TAFA4: variants seen among roughly 807,000 people sequenced by gnomAD.
TAFA4 encodes the protein chemokine-like protein TAFA-4.
In TAFA4, 20 loss-of-function variants were observed where a neutral mutation model predicts 21.1. The ratio of observed to expected loss-of-function variants is 0.95; its 90% CI spans 0.67 to 1.38. The LOEUF (loss-of-function observed/expected upper bound fraction) is 1.38, where lower values mean the gene tolerates loss of function less well. Ranked by LOEUF, TAFA4 falls within the 40% of genes most tolerant of loss-of-function variation. The pLI is 0.00. For synonymous variants in TAFA4, 71 were observed against 67.4 expected, an observed-to-expected ratio of 1.05 and a Z score of -0.26; for missense variants, 211 against 180.9, an observed-to-expected ratio of 1.17 and a Z score of -0.95.
chr3:68,751,180 T>C (rs1702551691), intron 4 of TAFA4, among the ~76,000 whole-genome samples: 1 of 152,180 alleles, frequency 6.6e-6, no homozygotes, highest in Admixed American at 6.5e-5. Context: ...GGTAGAGTAC[T>C]TGAAAGAGAA....
At chr3:68,817,374 A>G (rs1032693122) in intron 3 of TAFA4, among the ~76,000 whole-genome samples, 1 of 152,142 alleles carries the variant, frequency 6.6e-6, no homozygotes, top group Non-Finnish European at 1.5e-5. Context: ...CTTCCTCCAC[A>G]GAAGTCTCAA....
At chr3:68,809,628 T>C (rs1241873862) in intron 3 of TAFA4, among the ~76,000 whole-genome samples, 1 of 151,764 alleles carries the variant, frequency 6.6e-6, no homozygotes, top group African/African-American at 2.4e-5. Flanking sequence ...CCAAAAAAAA[T>C]TATTGCCCAG....
intron 3 of TAFA4, among the ~76,000 whole-genome samples, chr3:68,805,359 C>T (rs1020424370): frequency 1.3e-5 from 2 of 152,300 alleles, no homozygotes; most frequent in Admixed American, 6.5e-5. Flanking sequence ...GTTGGTGGGA[C>T]TGCAAACTAG....
intron 3 of TAFA4, among the ~76,000 whole-genome samples, chr3:68,788,669 TG>T (rs1703307677): frequency 6.6e-6 from 1 of 152,304 alleles, no homozygotes; most frequent in South Asian, 2.1e-4. Flanking sequence ...TGGAGTGCAG[TG>T]GCATCATCAT....
rs568599952 is a variant in TAFA4, at chr3:68,815,143, C to A, written c.131-62125G>T. ...AAGCTGAAACTGGATCCCTTCCTTA[C>A]ATCTTATATAAAAATTAATTCAGGA... On this transcript the variant is annotated intron_variant, in intron 3 of 5. Coordinates refer to ENST00000295569, the MANE Select transcript of TAFA4 (RefSeq NM_182522.5). Among the ~76,000 whole-genome samples, 105 of 152,304 alleles carry A rather than the reference C, an allele frequency of 6.9e-4. 2 individuals are homozygous for A. The South Asian group carries it at 0.021, about 31-fold the overall frequency.
chr3:68,756,555 A>G (rs977013755), intron 3 of TAFA4, among the ~76,000 whole-genome samples: 2 of 152,208 alleles, frequency 1.3e-5, no homozygotes, highest in African/African-American at 2.4e-5. Flanking sequence ...TAACCTCGAT[A>G]TTATTCTGAA....
At chr3:68,743,918 C>A (rs1371865251) in intron 4 of TAFA4, among the ~76,000 whole-genome samples, 2 of 152,104 alleles carry the variant, frequency 1.3e-5, no homozygotes, top group Non-Finnish European at 2.9e-5. Flanking sequence ...ATAGTGTTGA[C>A]CACTCATTCT....
rs2087514 is a variant in TAFA4 at position 68,896,070 on chromosome 3, T to G, written c.-122-10760A>C. Among the ~76,000 whole-genome samples, 41 of 151,906 alleles carry G rather than the reference T, an allele frequency of 2.7e-4. No homozygotes were observed. In the Middle Eastern group the frequency reaches 0.01, roughly 38 times the overall value. ...GCCTGAAGCTAAAATAAGCTTGGTG[T>G]GTTCAGGAGCGGAGAGGTAGCTAGG... On this transcript the variant is annotated intron_variant, in intron 1 of 5. Coordinates refer to ENST00000295569, the MANE Select transcript of TAFA4 (RefSeq NM_182522.5).
intron 4 of TAFA4, among the ~76,000 whole-genome samples, chr3:68,750,019 A>T (rs1221942538): frequency 6.6e-6 from 1 of 152,140 alleles, no homozygotes; most frequent in Non-Finnish European, 1.5e-5. Flanking sequence ...CACTGCATAG[A>T]CTCTGCTCAG....
intron 4 of TAFA4, among the ~76,000 whole-genome samples, chr3:68,745,349 T>A (rs1702437950): frequency 6.6e-6 from 1 of 152,228 alleles, no homozygotes; most frequent in Non-Finnish European, 1.5e-5. Flanking sequence ...GAGGCATAGA[T>A]ATTTTTTTCC....
chr3:68,825,840 C>CA (rs1250223910), intron 3 of TAFA4, among the ~76,000 whole-genome samples: 1 of 152,188 alleles, frequency 6.6e-6, no homozygotes, highest in Non-Finnish European at 1.5e-5. Context: ...TCCCTCCTCT[C>CA]AAACAGTTTA....
chr3:68,805,194 C>T (rs185696245), intron 3 of TAFA4, among the ~76,000 whole-genome samples: 28 of 152,278 alleles, frequency 1.8e-4, no homozygotes, highest in East Asian at 1.2e-3. Flanking sequence ...CCAAAATACA[C>T]ATGAAAAAAT....
At chr3:68,850,023 T>G (rs967012000) in intron 3 of TAFA4, among the ~76,000 whole-genome samples, 8 of 152,192 alleles carry the variant, frequency 5.3e-5, no homozygotes, top group African/African-American at 1.7e-4. Context: ...CAGTCAAGGT[T>G]TTTGGCTTGC....
intron 3 of TAFA4, among the ~76,000 whole-genome samples, chr3:68,795,090 T>TTATA: frequency 6.6e-6 from 1 of 150,808 alleles, no homozygotes; most frequent in Non-Finnish European, 1.5e-5. Flanking sequence ...AAATAATACT[T>TTATA]TATATGCTTG....
intron 3 of TAFA4, among the ~76,000 whole-genome samples, chr3:68,797,749 C>T (rs1467724794): frequency 6.6e-6 from 1 of 151,736 alleles, no homozygotes; most frequent in Non-Finnish European, 1.5e-5. Context: ...TAGTCAAATT[C>T]ATAAAGACAG....
At chr3:68,895,189 C>A (rs1423531036) in intron 1 of TAFA4, among the ~76,000 whole-genome samples, 2 of 151,940 alleles carry the variant, frequency 1.3e-5, no homozygotes, top group Non-Finnish European at 2.9e-5. Context: ...GCAGAGATGG[C>A]GTTTCACCAT....
At chr3:68,866,030 G>C (rs1028197593) in intron 3 of TAFA4, among the ~76,000 whole-genome samples, 2 of 152,114 alleles carry the variant, frequency 1.3e-5, no homozygotes, top group Non-Finnish European at 2.9e-5. Flanking sequence ...CTTGTTCAGG[G>C]AAACTATTCC....
intron 4 of TAFA4, among the ~76,000 whole-genome samples, chr3:68,749,704 T>G (rs959319665): frequency 6.6e-6 from 1 of 152,218 alleles, no homozygotes; most frequent in Non-Finnish European, 1.5e-5. Context: ...GAGACACAAG[T>G]TGAAAGACAC....
intron 3 of TAFA4, among the ~76,000 whole-genome samples, chr3:68,773,527 C>T (rs927608993): frequency 3.3e-5 from 5 of 152,178 alleles, no homozygotes; most frequent in African/African-American, 1.2e-4. Flanking sequence ...CCCTCCTCTA[C>T]CCATGCAGAC....
Sources: gnomAD v4.1 joint callset for allele counts (sites outside exome capture counted in the v4.1 genomes callset) on GRCh38, gnomAD v4.1.1 for gene constraint, MANE v1.5 for transcripts, NCBI Gene and HGNC (gene_info 2026-07-23, HGNC 2026-07-21) for gene names.